ZCWPW2: variants seen among roughly 807,000 people sequenced by gnomAD.
ZCWPW2 encodes zinc finger CW-type and PWWP domain containing 2, also known as zinc finger CW-type PWWP domain protein 2.
A neutral mutation model predicts 46.6 loss-of-function variants in ZCWPW2; 45 were observed. The ratio of observed to expected loss-of-function variants is 0.96; its 90% CI spans 0.76 to 1.24. ZCWPW2 has a LOEUF of 1.24. Ranked by LOEUF, ZCWPW2 falls within the 50% of genes most tolerant of loss-of-function variation. The probability of loss-of-function intolerance (pLI) is 0.00; values close to 1 mark genes in which losing one functional copy is unlikely to be tolerated. For missense variants in ZCWPW2, 429 were observed against 403.9 expected (o/e 1.06, Z -0.53); for synonymous variants, 152 against 137.1 (o/e 1.11, Z -0.76).
chr3:28,376,587 AC>A (rs1030142973), intron 1 of ZCWPW2, among the ~76,000 whole-genome samples: 17 of 152,226 alleles, frequency 1.1e-4, no homozygotes, highest in Middle Eastern at 6.8e-3. Context: ...GATTCTCTAT[AC>A]TGTCTGCTCA....
At position 28,514,110 on chromosome 3, in the gene ZCWPW2, GA is replaced by G; in HGVS notation, c.709del (p.Arg237GlyfsTer7). Reference sequence around the variant, plus strand: ...ATTGAAAAGAAGAAGCCCAAATTTAGAAAAAGGAAAAGGTATGCTTTTTGAA... The same window carrying G: ...ATTGAAAAGAAGAAGCCCAAATTTAGAAAAGGAAAAGGTATGCTTTTTGAA... Reference protein sequence around the residue: ...NNIEKKKPKFRKRKRKAILKC... With the variant: ...NNIEKKKPKFXKRKRKAILKC... On this transcript the variant is annotated frameshift_variant, in exon 7 of 10. Coordinates refer to ENST00000383768, the MANE Select transcript of ZCWPW2 (RefSeq NM_001040432.4). LOFTEE classifies it high-confidence loss of function. 1 of 1,484,732 alleles carries G rather than the reference GA, an allele frequency of 6.7e-7. No individual in the cohort carries two copies. Among genetic ancestry groups the G allele is most frequent in the Non-Finnish European group, 9.2e-7 (1 of 1,085,916 alleles). The allele number at this position is 1,484,732 out of a possible 1,614,324, so 92.0% of individuals were successfully genotyped here. A position where few individuals can be genotyped will look rare whatever the true frequency, so the allele number is the denominator to read the frequency against.
intron 3 of ZCWPW2, among the ~76,000 whole-genome samples, chr3:28,414,079 C>A (rs993934588): frequency 2.6e-5 from 4 of 151,848 alleles, no homozygotes; most frequent in Non-Finnish European, 5.9e-5. Context: ...TAAATTATAA[C>A]CTATTATATT....
At chr3:28,498,281 A>G (rs983547204) in intron 6 of ZCWPW2, among the ~76,000 whole-genome samples, 2 of 149,868 alleles carry the variant, frequency 1.3e-5, no homozygotes, top group African/African-American at 4.9e-5. Flanking sequence ...GTATTCAGGA[A>G]ACAGTGTACT....
chr3:28,523,786 A>AAT (rs992846813), intron 9 of ZCWPW2, among the ~76,000 whole-genome samples: 2 of 152,116 alleles, frequency 1.3e-5, no homozygotes, highest in African/African-American at 4.8e-5. Context: ...TCACCTTCCT[A>AAT]ATTATGTTCT....
rs975494060 is a variant in ZCWPW2, at chr3:28,447,119, T to C, written c.492+11850T>C. On this transcript the variant is annotated intron_variant, in intron 4 of 9. Coordinates refer to ENST00000383768, the MANE Select transcript of ZCWPW2 (RefSeq NM_001040432.4). The stretch of plus-strand genomic sequence containing the variant: ...AATACTGATCCTTCAAATCCTACTT[T>C]TCCAAAAATAGGAGGGCACACTTCC... Among the ~76,000 whole-genome samples the C allele has an allele frequency of 4.6e-5, 7 of 152,126 alleles. No homozygotes were observed. In the South Asian group the frequency reaches 6.2e-4, roughly 14 times the overall value.
At chr3:28,444,985 A>G (rs970787921) in intron 4 of ZCWPW2, among the ~76,000 whole-genome samples, 1 of 152,012 alleles carries the variant, frequency 6.6e-6, no homozygotes, top group African/African-American at 2.4e-5. Context: ...TGCTCTATAG[A>G]AATAGAGTCC....
chr3:28,512,128 C>G (rs1700443530), intron 6 of ZCWPW2, among the ~76,000 whole-genome samples: 1 of 151,088 alleles, frequency 6.6e-6, no homozygotes, highest in African/African-American at 2.4e-5. Flanking sequence ...ATTGTCTTAC[C>G]TTTATAGCTT....
chr3:28,502,687 C>G (rs1431034753), intron 6 of ZCWPW2, among the ~76,000 whole-genome samples: 2 of 152,072 alleles, frequency 1.3e-5, no homozygotes, highest in Non-Finnish European at 2.9e-5. Flanking sequence ...TAGCAACTAG[C>G]TATAAGGGGA....
chr3:28,518,318 C>G (rs190695158), intron 8 of ZCWPW2, among the ~76,000 whole-genome samples: 24 of 151,276 alleles, frequency 1.6e-4, no homozygotes, highest in African/African-American at 5.8e-4. Flanking sequence ...TCAGTGTTGA[C>G]AGAAGATGAT....
chr3:28,360,127 T>C (rs1412098213), intron 1 of ZCWPW2, among the ~76,000 whole-genome samples: 3 of 151,728 alleles, frequency 2.0e-5, no homozygotes, highest in Non-Finnish European at 4.4e-5. Context: ...ATTAATAATG[T>C]ATACATTAAT....
chr3:28,453,901 G>GT (rs1698327116), intron 4 of ZCWPW2, among the ~76,000 whole-genome samples: 1 of 149,898 alleles, frequency 6.7e-6, no homozygotes, highest in South Asian at 2.1e-4. Context: ...CTGGAGTGCA[G>GT]TGGCGCGATC....
chr3:28,357,309 G>A (rs1381116702), intron 1 of ZCWPW2, among the ~76,000 whole-genome samples: 1 of 152,126 alleles, frequency 6.6e-6, no homozygotes, highest in Non-Finnish European at 1.5e-5. Context: ...GAAGGAAAAC[G>A]TCCAAACTCA....
At chr3:28,459,651 T>C (rs57260178) in intron 4 of ZCWPW2, among the ~76,000 whole-genome samples, 3,132 of 152,274 alleles carry the variant, frequency 0.021, 107 homozygotes, top group African/African-American at 0.063. Context: ...CTTTTAAATA[T>C]GTTTCTTCTT....
At chr3:28,499,269 G>A (rs1277403834) in intron 6 of ZCWPW2, among the ~76,000 whole-genome samples, 1 of 152,142 alleles carries the variant, frequency 6.6e-6, no homozygotes, top group Non-Finnish European at 1.5e-5. Context: ...CACCAACAGT[G>A]TAAAAGCGTT....
chr3:28,508,789 A>G (rs1011809112), intron 6 of ZCWPW2, among the ~76,000 whole-genome samples: 8 of 152,168 alleles, frequency 5.3e-5, no homozygotes, highest in African/African-American at 1.9e-4. Context: ...TGGCCTCCCA[A>G]AGTGTTGGGA....
At chr3:28,349,338 G>C (rs1181880138) in intron 1 of ZCWPW2, 135 bp downstream of exon 1, 2 of 407,684 alleles carry the variant, frequency 4.9e-6, no homozygotes, top group Non-Finnish European at 6.6e-6. Flanking sequence ...CGGCTCAGTA[G>C]CGCTGTTACA....
At chr3:28,408,036 T>A (rs1303311545) in intron 2 of ZCWPW2, among the ~76,000 whole-genome samples, 2 of 152,182 alleles carry the variant, frequency 1.3e-5, no homozygotes, top group Non-Finnish European at 2.9e-5. Context: ...TGATCTATAT[T>A]CTAAATTCTG....
intron 1 of ZCWPW2, among the ~76,000 whole-genome samples, chr3:28,368,521 G>A (rs942067305): frequency 2.0e-5 from 3 of 152,180 alleles, no homozygotes; most frequent in African/African-American, 7.2e-5. Flanking sequence ...TTTCTGCCGA[G>A]AGATCAGCTG....
At chr3:28,505,061 A>C (rs546384781) in intron 6 of ZCWPW2, among the ~76,000 whole-genome samples, 13 of 152,260 alleles carry the variant, frequency 8.5e-5, no homozygotes, top group Admixed American at 2.0e-4. Flanking sequence ...TGGTACTCCT[A>C]TCCTCAGCCA....
Sources: gnomAD v4.1 joint callset for allele counts (sites outside exome capture counted in the v4.1 genomes callset) on GRCh38, gnomAD v4.1.1 for gene constraint, MANE v1.5 for transcripts, NCBI Gene and HGNC (gene_info 2026-07-23, HGNC 2026-07-21) for gene names.